The following ATP2C1 variants were observed in gnomAD, a reference collection of about 807,000 sequenced individuals.
ATP2C1 encodes ATPase secretory pathway Ca2+ transporting 1.
Under a neutral mutation model 120.5 loss-of-function variants are expected in ATP2C1, and 31 were observed. That is an observed-to-expected ratio of 0.26 (90% CI 0.19 to 0.35). ATP2C1 has a LOEUF of 0.35. Ranked by LOEUF, ATP2C1 falls within the 10% of genes least tolerant of loss-of-function variation. The pLI is 1.00. For missense variants in ATP2C1, 731 were observed against 1,107.5 expected (o/e 0.66, Z 4.83); for synonymous variants, 351 against 358.7 (o/e 0.98, Z 0.24).
intron 17 of ATP2C1, 81 bp downstream of exon 17, chr3:130,969,477 A>G (rs2061196993): frequency 9.5e-7 from 1 of 1,052,866 alleles, no homozygotes; most frequent in Non-Finnish European, 1.5e-6. Flanking sequence ...CTTTGGGTTT[A>G]GTCATTGTAC....
At chr3:130,922,869 G>A (rs2059029634) in intron 2 of ATP2C1, among the ~76,000 whole-genome samples, 1 of 152,140 alleles carries the variant, frequency 6.6e-6, no homozygotes, top group Non-Finnish European at 1.5e-5. Context: ...CTTGTTTAAT[G>A]GCGTATCATA....
upstream of ATP2C1, among the ~76,000 whole-genome samples, chr3:130,890,842 G>T (rs1420275455): frequency 1.3e-5 from 2 of 152,196 alleles, no homozygotes; most frequent in Non-Finnish European, 2.9e-5. Flanking sequence ...CTTATAAGAA[G>T]AAAAATACTT....
At chr3:130,971,733 T>C (rs1276244742) in intron 17 of ATP2C1, among the ~76,000 whole-genome samples, 1 of 152,136 alleles carries the variant, frequency 6.6e-6, no homozygotes, top group Non-Finnish European at 1.5e-5. Context: ...CTCCCCCAAG[T>C]ACCTTTGCTG....
intron 1 of ATP2C1, among the ~76,000 whole-genome samples, chr3:130,881,891 G>A (rs1041067604): frequency 1.3e-5 from 2 of 152,054 alleles, no homozygotes; most frequent in Non-Finnish European, 2.9e-5. Context: ...ACTGATTTTT[G>A]TATGTTGATT....
intron 19 of ATP2C1, 100 bp downstream of exon 19, chr3:130,979,519 T>C (rs2108773486): frequency 7.8e-7 from 1 of 1,278,264 alleles, no homozygotes; most frequent in Non-Finnish European, 1.1e-6. Flanking sequence ...TTATGTAATA[T>C]TGAGATTATG....
intron 2 of ATP2C1, among the ~76,000 whole-genome samples, chr3:130,899,851 C>CT (rs1439978736): frequency 6.6e-6 from 1 of 151,926 alleles, no homozygotes; most frequent in Non-Finnish European, 1.5e-5. Flanking sequence ...TCTATCTCTG[C>CT]TTTTTTTAAT....
At chr3:130,975,583 C>T (rs1019758959) in intron 18 of ATP2C1, 95 bp downstream of exon 18, 1 of 1,382,344 alleles carries the variant, frequency 7.2e-7, no homozygotes, top group Non-Finnish European at 1.0e-6. Context: ...CTGTCCAACT[C>T]ACTTCCAGGA....
intron 10 of ATP2C1, chr3:130,955,836 C>T: frequency 5.8e-6 from 2 of 342,822 alleles, no homozygotes; most frequent in Non-Finnish European, 5.6e-6. Flanking sequence ...ACAGATTTTT[C>T]CTCAAAAGGA....
intron 17 of ATP2C1, among the ~76,000 whole-genome samples, chr3:130,972,172 T>C (rs1307876275): frequency 5.3e-5 from 8 of 152,140 alleles, no homozygotes; most frequent in Non-Finnish European, 1.0e-4. Context: ...TTCCTGCTTC[T>C]ATGAGAATCT....
chr3:130,994,760 G>A (rs763722219), intron 22 of ATP2C1, among the ~76,000 whole-genome samples: 13 of 151,962 alleles, frequency 8.6e-5, no homozygotes, highest in Non-Finnish European at 1.8e-4. Context: ...TGGCCTACAG[G>A]GAAACATTTG....
At chr3:130,971,233 G>A (rs2061301920) in intron 17 of ATP2C1, among the ~76,000 whole-genome samples, 1 of 152,142 alleles carries the variant, frequency 6.6e-6, no homozygotes, top group South Asian at 2.1e-4. Flanking sequence ...TACTTTTCAG[G>A]AACTTTTAAT....
chr3:130,993,484 A>G (rs1360913837), intron 21 of ATP2C1, among the ~76,000 whole-genome samples: 2 of 152,180 alleles, frequency 1.3e-5, no homozygotes, highest in Non-Finnish European at 2.9e-5. Context: ...GAGTTTCTCA[A>G]CCTTGGCACC....
rs1438955920 is a variant in ATP2C1 at position 130,940,576 on chromosome 3, A to G, written c.361-54A>G. 9.5e-6 allele frequency: 11 copies of G among 1,163,486 alleles called. No individual in the cohort carries two copies. In the Admixed American group the frequency reaches 1.2e-4, roughly 13 times the overall value. 72.1% of individuals were successfully genotyped at this position (1,163,486 alleles called of 1,614,324 possible). A position where few individuals can be genotyped will look rare whatever the true frequency, so the allele number is the denominator to read the frequency against. On this transcript the variant is annotated intron_variant, in intron 6 of 27. Coordinates refer to ENST00000510168, the MANE Select transcript of ATP2C1 (RefSeq NM_001378687.1). Reference sequence around the variant, plus strand: ...TAATGATTGAGATTAATAAGTCTAAATGGAATATATTCATGGGAGCAAAAT... The same window carrying G: ...TAATGATTGAGATTAATAAGTCTAAGTGGAATATATTCATGGGAGCAAAAT...
At position 130,959,318 on chromosome 3, in the gene ATP2C1, G is replaced by A. The variant is rs374036911; in HGVS notation, c.876G>A (p.Leu292=). The A allele has an allele frequency of 6.2e-7, 1 of 1,608,282 alleles. No homozygotes were observed. The highest frequency in any genetic ancestry group is 1.3e-5 in the African/African-American group (1 of 74,652). ...LVGWLLGKDI[L]EMFTISVSLA... is the part of the protein sequence containing the mutation. Reference sequence around the variant, plus strand: ...GCTGGTTACTGGGAAAAGATATCCTGGAAATGTTTACTATTAGTGTAAGGT... The same window carrying A: ...GCTGGTTACTGGGAAAAGATATCCTAGAAATGTTTACTATTAGTGTAAGGT... Residue 292 remains leucine (L), a synonymous_variant, in exon 12 of 28, where the codon CTG becomes CTA. Coordinates refer to ENST00000510168, the MANE Select transcript of ATP2C1 (RefSeq NM_001378687.1).
intron 2 of ATP2C1, among the ~76,000 whole-genome samples, chr3:130,921,610 A>T (rs986860748): frequency 2.6e-5 from 4 of 152,152 alleles, no homozygotes; most frequent in African/African-American, 9.6e-5. Context: ...AGTCTTTATT[A>T]TGTTACTTTC....
At chr3:130,893,774 G>C (rs1187666260), upstream of ATP2C1, among the ~76,000 whole-genome samples, 1 of 152,202 alleles carries the variant, frequency 6.6e-6, no homozygotes, top group Non-Finnish European at 1.5e-5. Flanking sequence ...CGCGTTCAGG[G>C]GGTGCATATA....
intron 17 of ATP2C1, among the ~76,000 whole-genome samples, chr3:130,972,567 C>T (rs1004726523): frequency 2.7e-5 from 4 of 150,278 alleles, no homozygotes; most frequent in Non-Finnish European, 5.9e-5. Flanking sequence ...TGGTGTGCTG[C>T]ACCCATTAAC....
chr3:130,885,427 CTTCT>C lies in ATP2C1; in HGVS notation c.108+34500_108+34503del, dbSNP rs748527891. On this transcript the variant is annotated intron_variant, in intron 1 of 26. Coordinates refer to the ATP2C1 transcript ENST00000504381. Reference sequence around the variant, plus strand: ...TGGTCTTCTCTTCCTTCTTTCCTTCCTTCTGTCTTCCTCTTAGTGAAGGTGATTT... The same window carrying C: ...TGGTCTTCTCTTCCTTCTTTCCTTCCGTCTTCCTCTTAGTGAAGGTGATTT... Among the ~76,000 whole-genome samples, 248 of 151,634 alleles carry C rather than the reference CTTCT, an allele frequency of 1.6e-3. 2 individuals are homozygous for C. The highest frequency in any genetic ancestry group is 1.5e-3 in the Non-Finnish European group (99 of 67,846).
upstream of ATP2C1, among the ~76,000 whole-genome samples, chr3:130,892,614 T>C (rs1467915125): frequency 1.3e-5 from 2 of 149,024 alleles, no homozygotes; most frequent in African/African-American, 5.0e-5. Context: ...GGAACAAATA[T>C]AGAAGCACAG....
Sources: gnomAD v4.1 joint callset for allele counts (sites outside exome capture counted in the v4.1 genomes callset) on GRCh38, gnomAD v4.1.1 for gene constraint, MANE v1.5 for transcripts, NCBI Gene and HGNC (gene_info 2026-07-23, HGNC 2026-07-21) for gene names.